UGT8: variants seen among roughly 807,000 people sequenced by gnomAD.
UGT8 encodes the protein 2-hydroxyacylsphingosine 1-beta-galactosyltransferase.
A neutral mutation model predicts 40.5 loss-of-function variants in UGT8; 12 were observed. That is an observed-to-expected ratio of 0.30 (90% CI 0.19 to 0.48). The LOEUF (loss-of-function observed/expected upper bound fraction) is 0.48, where lower values mean the gene tolerates loss of function less well. Among genes scored for constraint, UGT8 ranks in the 20% least tolerant of loss-of-function variants. The pLI is 0.99. For synonymous variants in UGT8, 224 were observed against 240.4 expected (o/e 0.93, Z 0.63); for missense variants, 513 against 648.7 (o/e 0.79, Z 2.27).
At chr4:114,625,697 T>C (rs140247615) in intron 2 of UGT8, among the ~76,000 whole-genome samples, 41 of 152,244 alleles carry the variant, frequency 2.7e-4, no homozygotes, top group African/African-American at 9.6e-4. Flanking sequence ...GTGATAATTT[T>C]TTTTCTACCA....
intron 2 of UGT8, among the ~76,000 whole-genome samples, chr4:114,653,790 G>T (rs1734019310): frequency 6.6e-6 from 1 of 151,914 alleles, no homozygotes; most frequent in South Asian, 2.1e-4. Context: ...CAGTCTTCAG[G>T]GAGGAAGTAG....
chr4:114,659,002 G>A (rs890674891), intron 2 of UGT8, among the ~76,000 whole-genome samples: 2 of 152,132 alleles, frequency 1.3e-5, no homozygotes, highest in Non-Finnish European at 2.9e-5. Flanking sequence ...AAGCTGGACA[G>A]TACCACATGG....
intron 2 of UGT8, among the ~76,000 whole-genome samples, chr4:114,634,724 T>G (rs1422810368): frequency 6.6e-6 from 1 of 152,254 alleles, no homozygotes; most frequent in Non-Finnish European, 1.5e-5. Flanking sequence ...GAGTACTCAC[T>G]GGGAACCAGG....
chr4:114,666,725 G>GT (rs1290640446), intron 4 of UGT8, among the ~76,000 whole-genome samples: 1 of 151,908 alleles, frequency 6.6e-6, no homozygotes, highest in African/African-American at 2.4e-5. Context: ...ATTTCTTATT[G>GT]TTTTTCTTTT....
intron 2 of UGT8, among the ~76,000 whole-genome samples, chr4:114,641,082 G>A (rs1349494016): frequency 6.6e-6 from 1 of 152,142 alleles, no homozygotes; most frequent in African/African-American, 2.4e-5. Context: ...AAGCTGGCAG[G>A]CAATATGTAA....
chr4:114,607,595 T>A (rs1456447734), intron 1 of UGT8, among the ~76,000 whole-genome samples: 1 of 152,148 alleles, frequency 6.6e-6, no homozygotes, highest in Non-Finnish European at 1.5e-5. Flanking sequence ...ATATAGATGA[T>A]TCAAAAAGCT....
intron 1 of UGT8, among the ~76,000 whole-genome samples, chr4:114,606,839 G>A (rs1186654107): frequency 3.3e-5 from 5 of 152,010 alleles, no homozygotes; most frequent in African/African-American, 1.2e-4. Flanking sequence ...ATGTAAACTG[G>A]GTGTGTTATA....
At chr4:114,647,356 T>TTGTGTGTGTGTGTGTG (rs34575248) in intron 2 of UGT8, among the ~76,000 whole-genome samples, 4 of 143,200 alleles carry the variant, frequency 2.8e-5, no homozygotes, top group South Asian at 2.3e-4. Context: ...ATTAGCTCTT[T>TTGTGTGTGTGTGTGTG]TGTGTGTGTG....
Position 114,676,318 on chromosome 4 carries a change from G to T in UGT8, c.*30G>T. Reference sequence around the variant, plus strand: ...ACAGCCCAGGTGATAGAAATAAATTGGTTCACTCATTGAATTTTTATTGCT... The same window carrying T: ...ACAGCCCAGGTGATAGAAATAAATTTGTTCACTCATTGAATTTTTATTGCT... On this transcript the variant is annotated 3_prime_UTR_variant, in exon 6 of 6. Transcript: ENST00000310836. 4.0e-6 allele frequency: 6 copies of T among 1,517,204 alleles called. No individual in the cohort carries two copies. The highest frequency in any genetic ancestry group is 1.3e-5 in the South Asian group (1 of 75,240). 94.0% of individuals were successfully genotyped at this position (1,517,204 alleles called of 1,614,324 possible). A position where few individuals can be genotyped will look rare whatever the true frequency, so the allele number is the denominator to read the frequency against.
At chr4:114,673,228 G>C (rs1317307674) in intron 5 of UGT8, among the ~76,000 whole-genome samples, 1 of 152,108 alleles carries the variant, frequency 6.6e-6, no homozygotes, top group African/African-American at 2.4e-5. Flanking sequence ...ATTTTGAGTT[G>C]TAAAATAAAC....
intron 2 of UGT8, among the ~76,000 whole-genome samples, chr4:114,661,093 T>A (rs988642984): frequency 6.6e-6 from 1 of 152,086 alleles, no homozygotes. Flanking sequence ...TCATGTATAT[T>A]TGGTATATTT....
At chr4:114,654,921 C>T (rs1294571098) in intron 2 of UGT8, among the ~76,000 whole-genome samples, 2 of 152,040 alleles carry the variant, frequency 1.3e-5, no homozygotes, top group Admixed American at 6.6e-5. Flanking sequence ...TTTATGGGAA[C>T]ATACAGTCTG....
rs768877324 is a variant in UGT8, at chr4:114,623,739, A to AT, written c.822+38dup. ...CGAATTCCTTGGTAATTCTTTTTTA[A>AT]TGTAAAAGTCAATTTTGATTTTTGG... On this transcript the variant is annotated intron_variant, in intron 2 of 5. Transcript: ENST00000310836. 7 of 1,545,322 alleles carry AT rather than the reference A, an allele frequency of 4.5e-6. No homozygotes were observed. In the South Asian group the frequency reaches 8.9e-5, roughly 20 times the overall value.
chr4:114,606,348 A>G (rs946523818), intron 1 of UGT8, among the ~76,000 whole-genome samples: 4 of 152,116 alleles, frequency 2.6e-5, no homozygotes, highest in Non-Finnish European at 4.4e-5. Context: ...AAGACTAGGC[A>G]GTTAGTCTTA....
intron 2 of UGT8, among the ~76,000 whole-genome samples, chr4:114,650,330 T>C (rs1408939101): frequency 1.3e-5 from 2 of 152,216 alleles, no homozygotes; most frequent in African/African-American, 4.8e-5. Flanking sequence ...AACCCATTTA[T>C]GCCGGAGGTT....
At chr4:114,660,974 AT>A (rs1262345385) in intron 2 of UGT8, among the ~76,000 whole-genome samples, 1 of 151,476 alleles carries the variant, frequency 6.6e-6, no homozygotes, top group Non-Finnish European at 1.5e-5. Flanking sequence ...AGAACCTCAT[AT>A]TTTTTTCTTC....
chr4:114,676,202 A>G lies in UGT8; in HGVS notation c.1540A>G (p.Thr514Ala). The G allele has an allele frequency of 1.2e-6, 2 of 1,614,202 alleles. No individual in the cohort carries two copies. The highest frequency in any genetic ancestry group is 1.7e-6 in the Non-Finnish European group (2 of 1,180,026). The change falls in exon 6 of 6, where the codon ACA becomes GCA. Residue 514 changes from threonine (T) to alanine (A), a missense_variant. Physicochemically the swap from Thr to Ala is moderately conservative, Grantham distance 58. Around this residue, in one of 3 missense-constraint regions of UGT8, gnomAD observed 175 missense variants for 186.7 expected, o/e 0.94. Transcript: ENST00000310836. ...TCTGTGGTCTAGAAATAAGCATAGC[A>G]CAGTTAATGGACATTACCACAATGG... ...KSLWSRNKHS[T>A]VNGHYHNGIL... is the part of the protein sequence containing the mutation.
chr4:114,665,605 A>G, intron 3 of UGT8, 75 bp from the exon 4 acceptor site: 1 of 1,328,220 alleles, frequency 7.5e-7, no homozygotes, highest in Non-Finnish European at 1.0e-6. Flanking sequence ...TTTAAATCTC[A>G]TAATTTAATC....
At chr4:114,616,004 G>C (rs1031206114) in intron 1 of UGT8, among the ~76,000 whole-genome samples, 1 of 152,148 alleles carries the variant, frequency 6.6e-6, no homozygotes, top group African/African-American at 2.4e-5. Context: ...GTGTCAGTCT[G>C]CCCTTACTGG....
Sources: gnomAD v4.1 joint callset for allele counts (sites outside exome capture counted in the v4.1 genomes callset) on GRCh38, gnomAD v4.1.1 for gene constraint, gnomAD v4.1.1 regional missense constraint, MANE v1.5 for transcripts, NCBI Gene and HGNC (gene_info 2026-07-23, HGNC 2026-07-21) for gene names.